Variants in AKNA observed in about 807,000 individuals in gnomAD.
AKNA encodes microtubule organization protein AKNA.
AKNA carries 67 observed loss-of-function variants against 138.8 expected under a neutral mutation model. The ratio of observed to expected loss-of-function variants is 0.48; its 90% CI spans 0.40 to 0.59. The LOEUF (loss-of-function observed/expected upper bound fraction) is 0.59, where lower values mean the gene tolerates loss of function less well. Ranked by LOEUF, AKNA falls within the 20% of genes least tolerant of loss-of-function variation. The pLI, the probability that AKNA is intolerant of heterozygous loss-of-function variation, is 0.00. For missense variants in AKNA, 1,813 were observed against 1,880.4 expected (o/e 0.96, Z 0.66); for synonymous variants, 737 against 754.4 (o/e 0.98, Z 0.38).
Position 114,350,997 on chromosome 9 carries a change from C to A in AKNA, c.3083G>T (p.Gly1028Val). The A allele has an allele frequency of 4.3e-6, 7 of 1,613,662 alleles. No homozygotes were observed. Among genetic ancestry groups the A allele is most frequent in the Non-Finnish European group, 5.9e-6 (7 of 1,179,934 alleles). Residue 1028 changes from glycine to valine, a missense_variant, in exon 15 of 22, where the codon GGG (glycine) becomes GTG (valine). Physicochemically the swap from Gly to Val is moderately radical, Grantham distance 109. Coordinates refer to ENST00000374088, the MANE Select transcript of AKNA (RefSeq NM_001317950.2). ...EMAVPGSEFEGHKRISEQPLP... is the reference protein window; with the variant it reads ...EMAVPGSEFEVHKRISEQPLP... ...GGGCTGTTCAGAAATCCGTTTGTGC[C>A]CCTCAAACTCTGAGCCAGGAACCGC...
chr9:114,343,960 T>G lies in AKNA; in HGVS notation c.3662-157A>C, dbSNP rs1830521322. 7.9e-6 allele frequency: 5 copies of G among 631,460 alleles called. No homozygotes were observed. The South Asian group carries it at 8.0e-5, about 10-fold the overall frequency. The allele number at this position is 631,460 out of a possible 1,614,324, so 39.1% of individuals were successfully genotyped here. A position where few individuals can be genotyped will look rare whatever the true frequency, so the allele number is the denominator to read the frequency against. On this transcript the variant is annotated intron_variant, in intron 18 of 21. Transcript: ENST00000374088. ...ACGGTGAGTGTGCATACACACATCA[T>G]GTGTAAAATATGTACATATTTAAGT...
chr9:114,378,919 T>A (rs1833436198), intron 2 of AKNA, among the ~76,000 whole-genome samples: 1 of 152,232 alleles, frequency 6.6e-6, no homozygotes, highest in Admixed American at 6.5e-5. Flanking sequence ...TTCAGGCAGA[T>A]GCACCTTTGT....
intron 12 of AKNA, 29 bp from the exon 13 acceptor site, chr9:114,356,998 G>A (rs1341827257): frequency 1.9e-6 from 3 of 1,565,202 alleles, no homozygotes; most frequent in Non-Finnish European, 2.6e-6. Flanking sequence ...CTTTATGTCT[G>A]AGGAATGTGT....
At position 114,377,018 on chromosome 9, in the gene AKNA, C is replaced by G. The variant is rs760957603; in HGVS notation, c.789G>C (p.Gln263His). 6.2e-6 allele frequency: 10 copies of G among 1,613,972 alleles called. No homozygotes were observed. The highest frequency in any genetic ancestry group is 8.5e-6 in the Non-Finnish European group (10 of 1,179,982). Residue 263 changes from glutamine (Q) to histidine (H), a missense_variant, in exon 3 of 22, where the codon CAG (glutamine) becomes CAC (histidine). Transcript: ENST00000374088. The stretch of plus-strand genomic sequence containing the variant: ...TCTGGGCTGGGGGAGCTGAGGAGTC[C>G]TGGAATTCCATGGGGGTTGCCCGAG... Reference protein sequence around the residue: ...SVARATPMEFQDSSAPPAQSP... With the variant: ...SVARATPMEFHDSSAPPAQSP...
chr9:114,343,577 T>G, intron 19 of AKNA, 131 bp downstream of exon 19: 2 of 888,116 alleles, frequency 2.3e-6, no homozygotes, highest in Non-Finnish European at 3.5e-6. Flanking sequence ...AAAAATCCTC[T>G]TCCCTGGTCT....
At position 114,345,661 on chromosome 9, in the gene AKNA, C is replaced by CTGAATGAATGAATGAA. The variant is rs201959374; in HGVS notation, c.3661+186_3661+201dup. The CTGAATGAATGAATGAA allele has an allele frequency of 8.3e-4, 454 of 545,394 alleles. 1 individual carries two copies. The highest frequency in any genetic ancestry group is 8.1e-3 in the African/African-American group (398 of 49,342). 33.8% of individuals were successfully genotyped at this position (545,394 alleles called of 1,614,324 possible). A position where few individuals can be genotyped will look rare whatever the true frequency, so the allele number is the denominator to read the frequency against. On this transcript the variant is annotated intron_variant, in intron 18 of 21. Transcript: ENST00000374088. The stretch of plus-strand genomic sequence containing the variant: ...AAGGGGAAGCATCAGAAAGTGTTTG[C>CTGAATGAATGAATGAA]TGAATGAATGAATGAATGAATGAAT...
chr9:114,332,300 T>A (rs1829867598), downstream of AKNA, among the ~76,000 whole-genome samples: 2 of 152,126 alleles, frequency 1.3e-5, no homozygotes, highest in Admixed American at 1.3e-4. Flanking sequence ...TTAATACCCG[T>A]GCAGTGGGGA....
At chr9:114,340,250 C>A (rs775815065) in intron 21 of AKNA, among the ~76,000 whole-genome samples, 43 of 152,226 alleles carry the variant, frequency 2.8e-4, no homozygotes, top group Non-Finnish European at 4.8e-4. Flanking sequence ...CACACCCAGG[C>A]TTCTGGCAAC....
chr9:114,341,109 G>A (rs1830312858), intron 21 of AKNA, among the ~76,000 whole-genome samples: 2 of 152,078 alleles, frequency 1.3e-5, no homozygotes, highest in South Asian at 4.1e-4. Context: ...GAATCTCTCT[G>A]GACTATCTGC....
In AKNA at chr9:114,362,451, G is replaced by A. The variant is rs3748176; in HGVS notation, c.1871C>T (p.Pro624Leu). ...AGGCGTCCCCTTGGAGCCGGCAAGC[G>A]GCTGGGCAGGGTGTTGCTCCCGACA... ...KACREQHPAQ[P>L]LAGSKGTPGR... Residue 624 changes from proline to leucine, a missense_variant, in exon 8 of 22, where the codon CCG becomes CTG. Coordinates refer to ENST00000374088, the MANE Select transcript of AKNA (RefSeq NM_001317950.2). The A allele has an allele frequency of 0.51, 821,928 of 1,611,772 alleles. 215,843 individuals are homozygous for A. The highest frequency in any genetic ancestry group is 0.57 in the Middle Eastern group (3,472 of 6,048).
upstream of AKNA, among the ~76,000 whole-genome samples, chr9:114,388,299 C>G (rs892759223): frequency 1.3e-5 from 2 of 152,198 alleles, no homozygotes; most frequent in Admixed American, 1.3e-4. Flanking sequence ...GAGGCTTGGC[C>G]AAGGTCACAC....
intron 1 of AKNA, among the ~76,000 whole-genome samples, chr9:114,387,130 C>T (rs1172519679): frequency 6.6e-6 from 1 of 152,146 alleles, no homozygotes; most frequent in Non-Finnish European, 1.5e-5. Flanking sequence ...GGAAGGAAGA[C>T]CACCCCCCAA....
At chr9:114,341,938 C>T (rs1184197922) in intron 20 of AKNA, 71 bp downstream of exon 20, 2 of 1,449,800 alleles carry the variant, frequency 1.4e-6, no homozygotes, top group African/African-American at 2.8e-5. Flanking sequence ...GTTAAACTCA[C>T]CCAGGTCTAA....
At chr9:114,397,023 G>A (rs1347187730), upstream of AKNA, among the ~76,000 whole-genome samples, 3 of 152,296 alleles carry the variant, frequency 2.0e-5, no homozygotes, top group East Asian at 1.9e-4. Context: ...CCCTATCCTA[G>A]CGCCTCTGGC....
In AKNA at chr9:114,362,462, G is replaced by T. The variant is rs1330838498; in HGVS notation, c.1860C>A (p.His620Gln). 1 of 1,613,252 alleles carries T rather than the reference G, an allele frequency of 6.2e-7. No individual in the cohort carries two copies. Among genetic ancestry groups the T allele is most frequent in the Non-Finnish European group, 8.5e-7 (1 of 1,179,714 alleles). Residue 620 changes from histidine to glutamine, a missense_variant, in exon 8 of 22, where the codon CAC becomes CAA. Physicochemically the swap from His to Gln is conservative, Grantham distance 24. Transcript: ENST00000374088. The part of the protein sequence containing the change: ...EEYLKACREQ[H>Q]PAQPLAGSKG... ...TGGAGCCGGCAAGCGGCTGGGCAGGGTGTTGCTCCCGACAAGCCTTCAGGT... is the reference window on the plus strand; with the variant it reads ...TGGAGCCGGCAAGCGGCTGGGCAGGTTGTTGCTCCCGACAAGCCTTCAGGT...
At chr9:114,332,527 A>G (rs1216557568), downstream of AKNA, among the ~76,000 whole-genome samples, 2 of 152,110 alleles carry the variant, frequency 1.3e-5, no homozygotes, top group Admixed American at 1.3e-4. Context: ...ATATACATGC[A>G]GTACTTCCAT....
At position 114,337,012 on chromosome 9, in the gene AKNA, T is replaced by TTGGGGGGGGGGGGGGCG; in HGVS notation, c.*41_*42insCGCCCCCCCCCCCCCCA. ...CCCACTCCTGGCCTGGCAGGCCACC[T>TTGGGGGGGGGGGGGGCG]GCCCACCCACCCACCCATCTGCCTC... On this transcript the variant is annotated 3_prime_UTR_variant, in exon 22 of 22. Transcript: ENST00000374088. 2 of 1,208,224 alleles carry TTGGGGGGGGGGGGGGCG rather than the reference T, an allele frequency of 1.7e-6. No homozygotes were observed. The highest frequency in any genetic ancestry group is 2.2e-6 in the Non-Finnish European group (2 of 929,350). 74.8% of individuals were successfully genotyped at this position (1,208,224 alleles called of 1,614,324 possible).
rs1469055378 is a variant in AKNA at position 114,377,043 on chromosome 9, G to A, written c.764C>T (p.Ala255Val). Reference protein sequence around the residue: ...SPDGRTGGSVARATPMEFQDS... With the variant: ...SPDGRTGGSVVRATPMEFQDS... ...CTGGAATTCCATGGGGGTTGCCCGA[G>A]CAACACTGCCTCCAGTTCTGCCATC... Residue 255 changes from alanine (A) to valine (V), a missense_variant, in exon 3 of 22, where the codon GCT becomes GTT. Ala to Val is a moderately conservative substitution (Grantham distance 64, BLOSUM62 0). Transcript: ENST00000374088. The A allele has an allele frequency of 2.5e-6, 4 of 1,614,028 alleles. No homozygotes were observed. The highest frequency in any genetic ancestry group is 3.4e-6 in the Non-Finnish European group (4 of 1,180,032).
At chr9:114,397,782 T>A (rs1834576796), upstream of AKNA, among the ~76,000 whole-genome samples, 1 of 152,140 alleles carries the variant, frequency 6.6e-6, no homozygotes, top group African/African-American at 2.4e-5. Flanking sequence ...GGAACTGGAC[T>A]TATTTTTGCA....
Sources: allele counts gnomAD v4.1 joint callset (sites outside exome capture counted in the v4.1 genomes callset), GRCh38; gene constraint gnomAD v4.1.1; transcripts MANE v1.5; gene names NCBI Gene and HGNC (gene_info 2026-07-23, HGNC 2026-07-21).